Variants in MAPKAP1 observed in about 807,000 individuals in gnomAD.
MAPKAP1 encodes the protein target of rapamycin complex 2 subunit MAPKAP1.
Under a neutral mutation model 65.7 loss-of-function variants are expected in MAPKAP1, and 20 were observed. That is an observed-to-expected ratio of 0.30 (90% CI 0.21 to 0.44). The LOEUF is 0.44. MAPKAP1 is among the 20% of genes least tolerant of loss of function. The probability of loss-of-function intolerance (pLI) is 1.00; values close to 1 mark genes in which losing one functional copy is unlikely to be tolerated. For missense variants in MAPKAP1, 423 were observed against 648.0 expected (o/e 0.65, Z 3.77); for synonymous variants, 222 against 244.3 (o/e 0.91, Z 0.85).
At chr9:125,470,335 G>A (rs1284505567) in intron 9 of MAPKAP1, among the ~76,000 whole-genome samples, 1 of 152,132 alleles carries the variant, frequency 6.6e-6, no homozygotes, top group Non-Finnish European at 1.5e-5. Flanking sequence ...TTGGTTCTGG[G>A]CTCCCATGTA....
intron 5 of MAPKAP1, among the ~76,000 whole-genome samples, chr9:125,571,431 TTAGAA>T (rs1831227730): frequency 6.6e-6 from 1 of 152,176 alleles, no homozygotes; most frequent in African/African-American, 2.4e-5. Flanking sequence ...AATTGTAAGA[TTAGAA>T]TAGAGGAAAC....
In MAPKAP1 at chr9:125,439,100, A is replaced by ACCTGGG; in HGVS notation, c.1444-94_1444-89dup. On this transcript the variant is annotated intron_variant, in intron 11 of 11. Transcript: ENST00000265960. This position sits in a 1 kb window ranked among gnomAD's most constrained non-coding sequence, Gnocchi z 4.0. ...GGAGGGGGTGGCAGGGAAGGCCCTG[A>ACCTGGG]CCTGGGCCGGGTGCCTCAGGGCCAG... is the stretch of plus-strand genomic sequence containing the variant. The ACCTGGG allele has an allele frequency of 6.6e-7, 1 of 1,522,546 alleles. No homozygotes were observed. Among genetic ancestry groups the ACCTGGG allele is most frequent in the Non-Finnish European group, 8.9e-7 (1 of 1,124,340 alleles). The allele number at this position is 1,522,546 out of a possible 1,614,324, so 94.3% of individuals were successfully genotyped here.
At chr9:125,480,975 GA>G (rs536367888) in intron 9 of MAPKAP1, among the ~76,000 whole-genome samples, 92 of 108,720 alleles carry the variant, frequency 8.5e-4, no homozygotes, top group South Asian at 7.5e-3. Flanking sequence ...CCGTTTCGGG[GA>G]AAAAAAAAAA....
intron 5 of MAPKAP1, among the ~76,000 whole-genome samples, chr9:125,578,274 C>A (rs1235318963): frequency 2.0e-5 from 3 of 151,996 alleles, no homozygotes; most frequent in Admixed American, 6.5e-5. Flanking sequence ...ATCTCAAGTA[C>A]CCAGGGACAC....
At position 125,691,162 on chromosome 9, in the gene MAPKAP1, G is replaced by C. The variant is rs541326287; in HGVS notation, c.-70+15809C>G. 2.6e-5 allele frequency among the ~76,000 whole-genome samples: 4 copies of C among 152,294 alleles called. No homozygotes were observed. In the South Asian group the frequency reaches 8.3e-4, roughly 32 times the overall value. ...TGTAGTCCCAGCTACTTGGGAGGCT[G>C]AGGCAGGAGAATGGCGTGAACCTGG... is the stretch of plus-strand genomic sequence containing the variant. On this transcript the variant is annotated intron_variant, in intron 1 of 11. Transcript: ENST00000265960.
chr9:125,657,296 C>T (rs1834059157), intron 4 of MAPKAP1, among the ~76,000 whole-genome samples: 1 of 151,896 alleles, frequency 6.6e-6, no homozygotes. Context: ...CCTCCCCTTT[C>T]TCTCATATAT....
chr9:125,517,258 C>T (rs889603289), intron 7 of MAPKAP1, among the ~76,000 whole-genome samples: 1 of 152,112 alleles, frequency 6.6e-6, no homozygotes, highest in Non-Finnish European at 1.5e-5. Flanking sequence ...AGTAAAGATG[C>T]TGTGTGGGAG....
chr9:125,672,040 A>AC (rs1379496408), intron 2 of MAPKAP1, among the ~76,000 whole-genome samples: 1 of 152,190 alleles, frequency 6.6e-6, no homozygotes, highest in African/African-American at 2.4e-5. Flanking sequence ...TTGCCTTTCT[A>AC]CACAATGACT....
chr9:125,482,731 C>T (rs1854363770), intron 9 of MAPKAP1, among the ~76,000 whole-genome samples: 1 of 152,054 alleles, frequency 6.6e-6, no homozygotes, highest in Admixed American at 6.5e-5. Context: ...CTTAAAGTTA[C>T]AGTTTCCAAG....
intron 5 of MAPKAP1, among the ~76,000 whole-genome samples, chr9:125,582,251 G>T (rs947950823): frequency 2.6e-5 from 4 of 152,062 alleles, no homozygotes; most frequent in African/African-American, 7.2e-5. Context: ...TAATTTCCTA[G>T]AAGTGAAACA....
chr9:125,707,001 C>G lies in MAPKAP1; in HGVS notation c.-100G>C. ...GCTGCTTCCACACTACGGGCCGGGTCGGCCCCGGGACACGTTCCTGAGGGG... is the reference window on the plus strand; with the variant it reads ...GCTGCTTCCACACTACGGGCCGGGTGGGCCCCGGGACACGTTCCTGAGGGG... On this transcript the variant is annotated 5_prime_UTR_variant, in exon 1 of 12. Coordinates refer to ENST00000265960, the MANE Select transcript of MAPKAP1 (RefSeq NM_001006617.3). The G allele has an allele frequency of 2.5e-6, 1 of 396,568 alleles. No homozygotes were observed. The highest frequency in any genetic ancestry group is 3.6e-5 in the East Asian group (1 of 27,990). 24.6% of individuals were successfully genotyped at this position (396,568 alleles called of 1,614,324 possible).
At chr9:125,636,625 C>G (rs1361284063) in intron 4 of MAPKAP1, among the ~76,000 whole-genome samples, 5 of 152,152 alleles carry the variant, frequency 3.3e-5, no homozygotes, top group African/African-American at 1.2e-4. Flanking sequence ...ACTACCAGAC[C>G]ATTCACAACT....
chr9:125,615,114 G>A (rs962744063), intron 4 of MAPKAP1, among the ~76,000 whole-genome samples: 4 of 151,780 alleles, frequency 2.6e-5, no homozygotes, highest in East Asian at 3.9e-4. Context: ...GCAACAAACC[G>A]GAAGACACTA....
intron 4 of MAPKAP1, among the ~76,000 whole-genome samples, chr9:125,642,000 C>T (rs1167954554): frequency 3.3e-5 from 5 of 152,092 alleles, no homozygotes; most frequent in Admixed American, 3.3e-4. Context: ...CCACTGCACT[C>T]CAACATGGGC....
At chr9:125,500,870 G>C (rs1174081572) in intron 8 of MAPKAP1, among the ~76,000 whole-genome samples, 1 of 152,136 alleles carries the variant, frequency 6.6e-6, no homozygotes, top group African/African-American at 2.4e-5. Flanking sequence ...AGTTCCTCAA[G>C]TATGTTTAAG....
chr9:125,446,058 A>G (rs1852702603), intron 10 of MAPKAP1, among the ~76,000 whole-genome samples: 1 of 152,214 alleles, frequency 6.6e-6, no homozygotes, highest in Non-Finnish European at 1.5e-5. Flanking sequence ...TTGTCCTTTT[A>G]ATTGAAGCAG....
chr9:125,452,994 A>G (rs1353908285), intron 10 of MAPKAP1, among the ~76,000 whole-genome samples: 2 of 152,248 alleles, frequency 1.3e-5, no homozygotes, highest in African/African-American at 2.4e-5. Flanking sequence ...TTACAAATTA[A>G]CATATTTTAA....
intron 1 of MAPKAP1, among the ~76,000 whole-genome samples, chr9:125,703,363 T>C (rs1376699686): frequency 2.6e-5 from 4 of 152,242 alleles, no homozygotes; most frequent in African/African-American, 7.2e-5. Flanking sequence ...GTAACATATT[T>C]AACCACTAAG....
chr9:125,695,039 AT>A (rs1835342505), intron 1 of MAPKAP1, among the ~76,000 whole-genome samples: 1 of 152,232 alleles, frequency 6.6e-6, no homozygotes, highest in Non-Finnish European at 1.5e-5. Context: ...AACAATGTGA[AT>A]TCTTATTGTG....
Sources: gnomAD v4.1 joint callset for allele counts (sites outside exome capture counted in the v4.1 genomes callset) on GRCh38, gnomAD v4.1.1 for gene constraint, Gnocchi (gnomAD v3.1) non-coding constraint, MANE v1.5 for transcripts, NCBI Gene and HGNC (gene_info 2026-07-23, HGNC 2026-07-21) for gene names.